TAFA1: variants seen among roughly 807,000 people sequenced by gnomAD.
TAFA1 encodes TAFA chemokine like family member 1, also known as chemokine-like protein TAFA-1.
TAFA1 carries 4 observed loss-of-function variants against 18.5 expected under a neutral mutation model. The ratio of observed to expected loss-of-function variants is 0.22; its 90% confidence interval spans 0.11 to 0.49. The LOEUF is 0.49. Ranked by LOEUF, TAFA1 falls within the 20% of genes least tolerant of loss-of-function variation. The probability of loss-of-function intolerance (pLI) is 0.98; values close to 1 mark genes in which losing one functional copy is unlikely to be tolerated. For synonymous variants in TAFA1, 56 were observed against 55.2 expected, an observed-to-expected ratio of 1.01 and a Z score of -0.06; for missense variants, 147 against 169.0, an observed-to-expected ratio of 0.87 and a Z score of 0.72.
intron 2 of TAFA1, among the ~76,000 whole-genome samples, chr3:68,416,497 C>T (rs953823548): frequency 1.3e-5 from 2 of 152,128 alleles, no homozygotes. Context: ...GTATCTTTTG[C>T]GTGTCTCTAG....
At chr3:68,392,751 A>T (rs2070290054) in intron 2 of TAFA1, among the ~76,000 whole-genome samples, 1 of 152,214 alleles carries the variant, frequency 6.6e-6, no homozygotes, top group African/African-American at 2.4e-5. Context: ...CTGCTCCTGA[A>T]TGATTGCTAA....
At chr3:68,396,150 AG>A (rs1434389935) in intron 2 of TAFA1, among the ~76,000 whole-genome samples, 1 of 152,064 alleles carries the variant, frequency 6.6e-6, no homozygotes, top group Non-Finnish European at 1.5e-5. Flanking sequence ...TTTATTTTAG[AG>A]TAAAAACCCT....
intron 2 of TAFA1, among the ~76,000 whole-genome samples, chr3:68,362,254 G>T (rs1217436881): frequency 6.6e-6 from 1 of 152,110 alleles, no homozygotes; most frequent in Non-Finnish European, 1.5e-5. Context: ...TGCAAGGTGT[G>T]TATTGGGCAC....
intron 2 of TAFA1, among the ~76,000 whole-genome samples, chr3:68,172,557 A>G (rs1045962056): frequency 1.3e-5 from 2 of 152,206 alleles, no homozygotes; most frequent in Non-Finnish European, 2.9e-5. Context: ...GTATTTGCCA[A>G]AAAGCCTTGA....
intron 2 of TAFA1, among the ~76,000 whole-genome samples, chr3:68,292,528 T>A (rs568268609): frequency 6.6e-6 from 1 of 152,266 alleles, no homozygotes; most frequent in East Asian, 1.9e-4. Context: ...GCCTCTTTCC[T>A]TTCTTTTTCT....
intron 2 of TAFA1, among the ~76,000 whole-genome samples, chr3:68,373,715 C>T (rs1444742023): frequency 6.6e-6 from 1 of 152,190 alleles, no homozygotes; most frequent in Non-Finnish European, 1.5e-5. Flanking sequence ...TTTCATTTTA[C>T]ATCAAGATAC....
chr3:68,474,321 G>A (rs1217673761), intron 3 of TAFA1, among the ~76,000 whole-genome samples: 2 of 152,236 alleles, frequency 1.3e-5, no homozygotes, highest in African/African-American at 4.8e-5. Flanking sequence ...AGAAACAGGG[G>A]TTGAAATAGG....
chr3:68,337,962 G>C (rs573536532), intron 2 of TAFA1, among the ~76,000 whole-genome samples: 4 of 152,204 alleles, frequency 2.6e-5, no homozygotes, highest in Non-Finnish European at 5.9e-5. Context: ...TGAATTTTCT[G>C]ATCACTTAGT....
intron 2 of TAFA1, among the ~76,000 whole-genome samples, chr3:68,224,342 G>T (rs2066770079): frequency 6.6e-6 from 1 of 152,024 alleles, no homozygotes; most frequent in Non-Finnish European, 1.5e-5. Context: ...AGGATAAGGG[G>T]TTACACTGAT....
intron 2 of TAFA1, among the ~76,000 whole-genome samples, chr3:68,146,236 C>T (rs968419130): frequency 6.6e-6 from 1 of 152,184 alleles, no homozygotes; most frequent in Admixed American, 6.5e-5. Flanking sequence ...ATGGGGGACC[C>T]TGAGATTCTG....
chr3:68,212,740 G>A (rs1017723050), intron 2 of TAFA1, among the ~76,000 whole-genome samples: 1 of 151,864 alleles, frequency 6.6e-6, no homozygotes, highest in African/African-American at 2.4e-5. Context: ...TCTAAATAAG[G>A]CCAGCCAAGG....
intron 2 of TAFA1, among the ~76,000 whole-genome samples, chr3:68,405,953 C>A (rs2070597651): frequency 6.6e-6 from 1 of 151,798 alleles, no homozygotes; most frequent in African/African-American, 2.4e-5. Flanking sequence ...AGAATGGCAG[C>A]CCTTATTTAT....
At chr3:68,529,381 C>T (rs1001604796) in intron 3 of TAFA1, among the ~76,000 whole-genome samples, 2 of 147,990 alleles carry the variant, frequency 1.4e-5, no homozygotes, top group Non-Finnish European at 3.0e-5. Context: ...TCTTCCCCTA[C>T]CTACCCTTTA....
At chr3:68,537,804 A>G (rs2073299728) in intron 3 of TAFA1, among the ~76,000 whole-genome samples, 1 of 152,206 alleles carries the variant, frequency 6.6e-6, no homozygotes, top group Non-Finnish European at 1.5e-5. Context: ...CATAAAAACA[A>G]AAAGATTGTT....
At chr3:68,078,880 G>A (rs557216013) in intron 2 of TAFA1, among the ~76,000 whole-genome samples, 41 of 152,324 alleles carry the variant, frequency 2.7e-4, no homozygotes, top group African/African-American at 8.2e-4. Flanking sequence ...AGTTTCAGAA[G>A]GAATGGTAGC....
At chr3:68,419,932 C>T (rs1360808647) in intron 3 of TAFA1, among the ~76,000 whole-genome samples, 3 of 152,180 alleles carry the variant, frequency 2.0e-5, no homozygotes, top group Non-Finnish European at 1.5e-5. Flanking sequence ...ACGGAACATA[C>T]TATCTCTGAT....
intron 2 of TAFA1, among the ~76,000 whole-genome samples, chr3:68,120,237 CT>C (rs1575627531): frequency 9.9e-6 from 1 of 100,600 alleles, no homozygotes; most frequent in Non-Finnish European, 2.0e-5. Flanking sequence ...TTCTTTCTTT[CT>C]TTCTTTCTTT....
intron 2 of TAFA1, among the ~76,000 whole-genome samples, chr3:68,261,226 C>T (rs570295796): frequency 6.6e-6 from 1 of 152,268 alleles, no homozygotes; most frequent in Non-Finnish European, 1.5e-5. Flanking sequence ...TACCATCTCA[C>T]ACCAGTTAGA....
intron 2 of TAFA1, among the ~76,000 whole-genome samples, chr3:68,039,126 T>A (rs1358583345): frequency 1.3e-5 from 2 of 152,218 alleles, no homozygotes; most frequent in Admixed American, 6.5e-5. Flanking sequence ...AGTTGATTGA[T>A]GGCTACTGTT....
Sources: gnomAD v4.1 joint callset for allele counts (sites outside exome capture counted in the v4.1 genomes callset) on GRCh38, gnomAD v4.1.1 for gene constraint, MANE v1.5 for transcripts, NCBI Gene and HGNC (gene_info 2026-07-23, HGNC 2026-07-21) for gene names.